AK5: variants seen among roughly 807,000 people sequenced by gnomAD.
AK5 encodes the protein adenylate kinase isoenzyme 5.
AK5 carries 27 observed loss-of-function variants against 69.5 expected under a neutral mutation model. That is an observed-to-expected ratio of 0.39 (90% CI 0.29 to 0.54). The LOEUF is 0.54. AK5 is among the 20% of genes least tolerant of loss of function. The pLI is 0.71. For synonymous variants in AK5, 260 were observed against 244.4 expected (o/e 1.06, Z -0.60); for missense variants, 531 against 700.4 (o/e 0.76, Z 2.73).
chr1:77,513,645 G>A (rs1346261950), intron 10 of AK5, among the ~76,000 whole-genome samples: 1 of 152,212 alleles, frequency 6.6e-6, no homozygotes, highest in Non-Finnish European at 1.5e-5. Flanking sequence ...TTCGAGACCA[G>A]CCTGGTCAAC....
intron 6 of AK5, among the ~76,000 whole-genome samples, chr1:77,408,323 TTC>T (rs1557568968): frequency 6.6e-6 from 1 of 152,176 alleles, no homozygotes; most frequent in Non-Finnish European, 1.5e-5. Flanking sequence ...AATAATAGCC[TTC>T]TGACTGGTGT....
intron 10 of AK5, among the ~76,000 whole-genome samples, chr1:77,493,562 G>A (rs532421266): frequency 6.6e-6 from 1 of 152,140 alleles, no homozygotes; most frequent in African/African-American, 2.4e-5. Context: ...CATACAGCTG[G>A]GATCACCTAC....
chr1:77,525,765 A>G (rs1658242195), intron 12 of AK5, among the ~76,000 whole-genome samples: 1 of 152,174 alleles, frequency 6.6e-6, no homozygotes, highest in Non-Finnish European at 1.5e-5. Context: ...GACCATATAT[A>G]TGTGAGAGTT....
intron 5 of AK5, among the ~76,000 whole-genome samples, chr1:77,318,984 A>G (rs760923521): frequency 2.6e-5 from 4 of 152,160 alleles, no homozygotes; most frequent in Non-Finnish European, 5.9e-5. Flanking sequence ...GGACATGAGG[A>G]AAAAATGGAA....
intron 12 of AK5, among the ~76,000 whole-genome samples, chr1:77,526,476 T>A (rs2100331846): frequency 7.3e-6 from 1 of 136,936 alleles, no homozygotes; most frequent in Middle Eastern, 3.4e-3. Flanking sequence ...TTTTTTTTTT[T>A]TTTTTTTTTT....
chr1:77,537,779 A>G (rs1236407723), intron 13 of AK5, among the ~76,000 whole-genome samples: 1 of 152,240 alleles, frequency 6.6e-6, no homozygotes, highest in Non-Finnish European at 1.5e-5. Flanking sequence ...AACACTGGGT[A>G]TAGAAGTCTG....
chr1:77,457,138 T>C (rs1254840356), intron 8 of AK5, among the ~76,000 whole-genome samples: 1 of 152,188 alleles, frequency 6.6e-6, no homozygotes, highest in Non-Finnish European at 1.5e-5. Flanking sequence ...CCTTGTGACC[T>C]GTGCCCTCCT....
At chr1:77,500,833 C>T (rs899629084) in intron 10 of AK5, among the ~76,000 whole-genome samples, 2 of 151,744 alleles carry the variant, frequency 1.3e-5, no homozygotes, top group African/African-American at 4.9e-5. Flanking sequence ...AATTATCCAT[C>T]GTTGTGATAA....
intron 6 of AK5, among the ~76,000 whole-genome samples, chr1:77,409,264 G>A (rs771549707): frequency 6.6e-6 from 1 of 152,060 alleles, no homozygotes; most frequent in Non-Finnish European, 1.5e-5. Context: ...TTTATACTCC[G>A]CCAGGTATAT....
rs367805017 is a variant in AK5 at position 77,403,904 on chromosome 1, T to C, written c.892-7077T>C. Among the ~76,000 whole-genome samples the C allele has an allele frequency of 1.1e-4, 16 of 152,282 alleles. No individual in the cohort carries two copies. The East Asian group carries it at 1.4e-3, about 13-fold the overall frequency. ...ACCTTAGGCAGTATGGCCATTTTCA[T>C]GATATTGATTCTTCCTACCCATGAG... On this transcript the variant is annotated intron_variant, in intron 6 of 13. Coordinates refer to ENST00000354567, the MANE Select transcript of AK5 (RefSeq NM_174858.3).
At chr1:77,391,390 A>AAAT (rs1553144047) in intron 6 of AK5, among the ~76,000 whole-genome samples, 8 of 141,660 alleles carry the variant, frequency 5.6e-5, no homozygotes, top group South Asian at 2.2e-4. Context: ...CAAAAAAAAA[A>AAAT]ATATATATAT....
intron 6 of AK5, among the ~76,000 whole-genome samples, chr1:77,342,834 T>C (rs1661725850): frequency 6.6e-6 from 1 of 151,942 alleles, no homozygotes; most frequent in Non-Finnish European, 1.5e-5. Flanking sequence ...CTCTGTAGTT[T>C]TTTTTTTTTC....
intron 8 of AK5, among the ~76,000 whole-genome samples, chr1:77,418,379 C>T (rs1211277702): frequency 6.6e-6 from 1 of 152,146 alleles, no homozygotes; most frequent in African/African-American, 2.4e-5. Context: ...CCACTGGCTC[C>T]CTCTCACAAC....
intron 1 of AK5, chr1:77,283,551 C>T (rs1311638075): frequency 1.0e-6 from 1 of 985,264 alleles, no homozygotes; most frequent in Non-Finnish European, 1.2e-6. Context: ...AATTACAGGT[C>T]TTCTTTTCTC....
At chr1:77,457,731 T>C (rs1021591090) in intron 8 of AK5, among the ~76,000 whole-genome samples, 2 of 152,198 alleles carry the variant, frequency 1.3e-5, no homozygotes, top group African/African-American at 4.8e-5. Context: ...TTAAAAGTTT[T>C]CTCCTAAGTT....
At chr1:77,435,670 G>A (rs1407952649) in intron 8 of AK5, among the ~76,000 whole-genome samples, 3 of 150,320 alleles carry the variant, frequency 2.0e-5, no homozygotes, top group Admixed American at 6.6e-5. Context: ...AGAAGCTGCA[G>A]TTTAGAAGAT....
At chr1:77,386,709 CA>C (rs781707464) in intron 6 of AK5, among the ~76,000 whole-genome samples, 33 of 152,104 alleles carry the variant, frequency 2.2e-4, no homozygotes, top group Non-Finnish European at 4.4e-4. Context: ...GTGATCAAGT[CA>C]GAGGTATTCA....
Position 77,287,102 on chromosome 1 carries a change from G to A in AK5, c.222G>A (p.Gln74=). ...CCTTACCTCCACTAAATGGAGGACA[G>A]TCACGGAGATCCTTTCTAAGAAATG... ...KKTLPPLNGG[Q]SRRSFLRNVM... Residue 74 remains glutamine (Q), a synonymous_variant, in exon 2 of 14, where the codon CAG becomes CAA. Coordinates refer to ENST00000354567, the MANE Select transcript of AK5 (RefSeq NM_174858.3). 6.3e-7 allele frequency: 1 copy of A among 1,590,818 alleles called. No homozygotes were observed. The highest frequency in any genetic ancestry group is 8.5e-7 in the Non-Finnish European group (1 of 1,169,650).
intron 8 of AK5, among the ~76,000 whole-genome samples, chr1:77,428,286 T>A (rs1373540434): frequency 1.3e-5 from 2 of 152,222 alleles, no homozygotes; most frequent in Non-Finnish European, 2.9e-5. Flanking sequence ...AAATGTGTGC[T>A]GTTCCTCTTC....
Sources: allele counts gnomAD v4.1 joint callset (sites outside exome capture counted in the v4.1 genomes callset), GRCh38; gene constraint gnomAD v4.1.1; transcripts MANE v1.5; gene names NCBI Gene and HGNC (gene_info 2026-07-23, HGNC 2026-07-21).